The following ABR variants were observed in gnomAD, a reference collection of about 807,000 sequenced individuals.
ABR encodes ABR activator of RhoGEF and GTPase.
ABR carries 35 observed loss-of-function variants against 107.2 expected under a neutral mutation model. The ratio of observed to expected loss-of-function variants is 0.33; its 90% CI spans 0.25 to 0.43. The LOEUF is 0.43. Ranked by LOEUF, ABR falls within the 20% of genes least tolerant of loss-of-function variation. ABR has a pLI of 1.00. For synonymous variants in ABR, 498 were observed against 462.0 expected (o/e 1.08, Z -1.00); for missense variants, 815 against 1,115.2 (o/e 0.73, Z 3.83).
At chr17:1,225,320 C>T (rs1294515449) in intron 1 of ABR, among the ~76,000 whole-genome samples, 1 of 152,012 alleles carries the variant, frequency 6.6e-6, no homozygotes, top group African/African-American at 2.4e-5. Flanking sequence ...AAAACCAAAC[C>T]ATCTGCGATC....
At chr17:1,028,379 G>C (rs534959530) in intron 16 of ABR, among the ~76,000 whole-genome samples, 1 of 152,038 alleles carries the variant, frequency 6.6e-6, no homozygotes, top group Admixed American at 6.6e-5. Flanking sequence ...GATGACAGGC[G>C]TGAGCCACCA....
intron 2 of ABR, among the ~76,000 whole-genome samples, chr17:1,112,026 C>G (rs765812573): frequency 1.6e-4 from 25 of 152,222 alleles, no homozygotes; most frequent in Non-Finnish European, 3.4e-4. Context: ...CCCCACATCC[C>G]TTTTACCAAG....
At chr17:1,175,282 G>C (rs965830737) in intron 1 of ABR, among the ~76,000 whole-genome samples, 1 of 152,048 alleles carries the variant, frequency 6.6e-6, no homozygotes, top group Non-Finnish European at 1.5e-5. Context: ...TGTGGTGGCG[G>C]GCACCTGTAA....
intron 16 of ABR, among the ~76,000 whole-genome samples, chr17:1,047,335 C>T (rs752176971): frequency 2.0e-5 from 3 of 152,258 alleles, no homozygotes; most frequent in Non-Finnish European, 2.9e-5. Flanking sequence ...GGGGACAGAC[C>T]GTTCCGTGGC....
chr17:1,132,423 G>A (rs952077811), intron 1 of ABR, among the ~76,000 whole-genome samples: 6 of 138,552 alleles, frequency 4.3e-5, no homozygotes, highest in African/African-American at 1.6e-4. Flanking sequence ...CTGTCACCCA[G>A]GCTGGAATGC....
Position 1,004,842 on chromosome 17 carries a change from G to C in ABR, c.*1238C>G. On this transcript the variant is annotated 3_prime_UTR_variant, in exon 23 of 23. Coordinates refer to ENST00000302538, the MANE Select transcript of ABR (RefSeq NM_021962.5). The stretch of plus-strand genomic sequence containing the variant: ...CGGCACCACAATGGCTGGCCACCGT[G>C]GGCCTGTGCCTTTGCTTCCCAGGTC... 2.5e-6 allele frequency: 1 copy of C among 394,270 alleles called. No individual in the cohort carries two copies. The highest frequency in any genetic ancestry group is 2.1e-5 in the African/African-American group (1 of 48,702). 24.4% of individuals were successfully genotyped at this position (394,270 alleles called of 1,614,324 possible).
intron 16 of ABR, among the ~76,000 whole-genome samples, chr17:1,047,465 G>A (rs1361808344): frequency 1.3e-5 from 2 of 152,176 alleles, no homozygotes; most frequent in Admixed American, 6.5e-5. Context: ...CCCGCCCCTG[G>A]GGCATGCCTC....
chr17:1,081,407 TC>T (rs1263180629), intron 5 of ABR, among the ~76,000 whole-genome samples: 1 of 151,512 alleles, frequency 6.6e-6, no homozygotes. Flanking sequence ...GAGAGGGACT[TC>T]CCCACCCTGC....
At chr17:1,125,609 G>C (rs1458128052) in intron 1 of ABR, 1 of 368,074 alleles carries the variant, frequency 2.7e-6, no homozygotes, top group Non-Finnish European at 4.8e-6. Context: ...CTCTGCTGTT[G>C]CTACCCGATG....
chr17:1,018,491 C>A (rs969110044), intron 16 of ABR, among the ~76,000 whole-genome samples: 21 of 152,346 alleles, frequency 1.4e-4, no homozygotes, highest in African/African-American at 4.8e-4. Flanking sequence ...CCGATTCACC[C>A]ACAGCCCCTC....
chr17:1,193,276 C>A (rs557245373), intron 1 of ABR, among the ~76,000 whole-genome samples: 2 of 151,136 alleles, frequency 1.3e-5, no homozygotes, highest in Non-Finnish European at 3.0e-5. Flanking sequence ...CACCCCCTCC[C>A]CCTCAATACC....
chr17:1,032,107 TC>T (rs1158806252), intron 16 of ABR, among the ~76,000 whole-genome samples: 6 of 151,802 alleles, frequency 4.0e-5, no homozygotes, highest in Admixed American at 6.6e-5. Flanking sequence ...CCCCAGTCCC[TC>T]CCTGCTGGGT....
rs1052330405 is a variant in ABR at position 1,084,440 on chromosome 17, G to A, written c.532-813C>T. On this transcript the variant is annotated intron_variant, in intron 4 of 22. Coordinates refer to ENST00000302538, the MANE Select transcript of ABR (RefSeq NM_021962.5). This position sits in a 1 kb window ranked among gnomAD's most constrained non-coding sequence, Gnocchi z 4.2. The stretch of plus-strand genomic sequence containing the variant: ...CCATTTCCCTTGGCCTTGAGGCCCC[G>A]TCCTCACCTCTTCCACCTCCTCTAC... Among the ~76,000 whole-genome samples, 6 of 152,148 alleles carry A rather than the reference G, an allele frequency of 3.9e-5. No individual in the cohort carries two copies. The highest frequency in any genetic ancestry group is 1.4e-4 in the African/African-American group (6 of 41,440).
intron 2 of ABR, among the ~76,000 whole-genome samples, chr17:1,104,635 C>CCTCAGGACAACTGGCCCATCTCAGT (rs2038123887): frequency 6.6e-6 from 1 of 152,250 alleles, no homozygotes; most frequent in African/African-American, 2.4e-5. Context: ...CAAGCATCAA[C>CCTCAGGACAACTGGCCCATCTCAGT]CTCAGGACAA....
intron 1 of ABR, among the ~76,000 whole-genome samples, chr17:1,133,251 A>AG (rs2039924476): frequency 6.6e-6 from 1 of 151,954 alleles, no homozygotes; most frequent in Non-Finnish European, 1.5e-5. Context: ...TCGAAAAAAA[A>AG]AAAAAAAGTT....
At chr17:1,127,154 C>T (rs1266443206) in intron 1 of ABR, among the ~76,000 whole-genome samples, 1 of 152,234 alleles carries the variant, frequency 6.6e-6, no homozygotes, top group Non-Finnish European at 1.5e-5. Context: ...TGAGCCAATG[C>T]CCCATTCAGC....
intron 12 of ABR, among the ~76,000 whole-genome samples, chr17:1,057,305 GGTTTGTGTGTGTGT>G (rs1394219038): frequency 0.031 from 4,251 of 136,364 alleles, 322 homozygotes; most frequent in East Asian, 0.055. Context: ...TAACTGAAGA[GGTTTGTGTGTGTGT>G]GTGTGTGTGT....
intron 1 of ABR, among the ~76,000 whole-genome samples, chr17:1,169,726 G>A (rs780372642): frequency 4.1e-4 from 62 of 152,184 alleles, no homozygotes; most frequent in Non-Finnish European, 7.4e-4. Context: ...CAGGCCCTGG[G>A]CCTCGGCAAA....
At chr17:1,227,707 G>A (rs892349074) in intron 1 of ABR, among the ~76,000 whole-genome samples, 3 of 152,064 alleles carry the variant, frequency 2.0e-5, no homozygotes, top group African/African-American at 4.8e-5. Context: ...TGACCCAACC[G>A]GACACCACCA....
Sources: allele counts gnomAD v4.1 joint callset (sites outside exome capture counted in the v4.1 genomes callset), GRCh38; gene constraint gnomAD v4.1.1; non-coding constraint Gnocchi (gnomAD v3.1); transcripts MANE v1.5; gene names NCBI Gene and HGNC (gene_info 2026-07-23, HGNC 2026-07-21).